The following RNF220 variants were observed in gnomAD, a reference collection of about 807,000 sequenced individuals.
The protein encoded by RNF220 is E3 ubiquitin-protein ligase RNF220.
A neutral mutation model predicts 67.1 loss-of-function variants in RNF220; 7 were observed. The ratio of observed to expected loss-of-function variants is 0.10; its 90% CI spans 0.06 to 0.20. The LOEUF (loss-of-function observed/expected upper bound fraction) is 0.20, where lower values mean the gene tolerates loss of function less well. Among genes scored for constraint, RNF220 ranks in the 10% least tolerant of loss-of-function variants. RNF220 has a pLI of 1.00. For synonymous variants in RNF220, 270 were observed against 283.2 expected, an observed-to-expected ratio of 0.95 and a Z score of 0.47; for missense variants, 565 against 740.3, an observed-to-expected ratio of 0.76 and a Z score of 2.75.
At chr1:44,603,591 C>T (rs1667079607) in intron 2 of RNF220, among the ~76,000 whole-genome samples, 1 of 152,190 alleles carries the variant, frequency 6.6e-6, no homozygotes. Context: ...ACAAATTCAT[C>T]TTGGACGACA....
rs114833258 is a variant in RNF220, at chr1:44,583,594, C to T, written c.626-30571C>T. Among the ~76,000 whole-genome samples, 238 of 152,260 alleles carry T rather than the reference C, an allele frequency of 1.6e-3. 3 individuals are homozygous for T. The highest frequency in any genetic ancestry group is 5.4e-3 in the African/African-American group (225 of 41,540). On this transcript the variant is annotated intron_variant, in intron 2 of 14. Transcript: ENST00000361799. ...AAATGTGGTCATTACTGGATTATTT[C>T]GAGAATCAAAAGAATCAAAGAACAT...
At chr1:44,513,314 G>C (rs796540422) in intron 2 of RNF220, among the ~76,000 whole-genome samples, 10 of 152,328 alleles carry the variant, frequency 6.6e-5, no homozygotes, top group African/African-American at 2.4e-4. Context: ...GGGGTCCCGA[G>C]CCTGGCCCAT....
intron 2 of RNF220, among the ~76,000 whole-genome samples, chr1:44,610,904 C>T (rs147373706): frequency 3.9e-5 from 6 of 152,280 alleles, no homozygotes; most frequent in African/African-American, 1.4e-4. Flanking sequence ...CCATCCCCAG[C>T]GGTTTTTATG....
chr1:44,528,707 C>T (rs112348245), intron 2 of RNF220, among the ~76,000 whole-genome samples: 22,550 of 151,400 alleles, frequency 0.15, 2,084 homozygotes, highest in Middle Eastern at 0.3. Flanking sequence ...CTCCACCTCC[C>T]AGGTTTAAGT....
intron 2 of RNF220, among the ~76,000 whole-genome samples, chr1:44,422,467 G>T (rs1572448319): frequency 1.3e-5 from 2 of 152,302 alleles, no homozygotes; most frequent in Admixed American, 1.3e-4. Context: ...CCCAGACATG[G>T]GTTTAACCCT....
At chr1:44,579,821 G>C (rs180751638) in intron 2 of RNF220, among the ~76,000 whole-genome samples, 10 of 152,026 alleles carry the variant, frequency 6.6e-5, no homozygotes, top group African/African-American at 2.4e-4. Context: ...TTGAGTCCAG[G>C]AGTTTGAGAC....
At position 44,547,728 on chromosome 1, in the gene RNF220, G is replaced by A. The variant is rs556547828; in HGVS notation, c.626-66437G>A. ...TCTGGTCCCATTTTTCCAACTGCCT[G>A]GTGAATATCTTCAGCGCTTTGTCCA... is the stretch of plus-strand genomic sequence containing the variant. On this transcript the variant is annotated intron_variant, in intron 2 of 14. Transcript: ENST00000361799. Among the ~76,000 whole-genome samples the A allele has an allele frequency of 5.3e-5, 8 of 152,084 alleles. No homozygotes were observed. In the East Asian group the frequency reaches 1.5e-3, roughly 29 times the overall value.
intron 3 of RNF220, among the ~76,000 whole-genome samples, chr1:44,617,574 C>G (rs995432041): frequency 1.3e-5 from 2 of 152,232 alleles, no homozygotes; most frequent in Non-Finnish European, 2.9e-5. Context: ...GGGGAGGGCC[C>G]CAGCCTTGGC....
chr1:44,409,379 G>A (rs147296477), intron 1 of RNF220, among the ~76,000 whole-genome samples: 4 of 152,322 alleles, frequency 2.6e-5, no homozygotes, highest in East Asian at 1.9e-4. Flanking sequence ...TTTGCAATCT[G>A]TTTGGAGTTT....
At chr1:44,631,815 G>A in intron 5 of RNF220, 3 of 747,048 alleles carry the variant, frequency 4.0e-6, no homozygotes, top group Non-Finnish European at 4.9e-6. Flanking sequence ...AAGATTGGGT[G>A]GGTAGGCTTC....
In RNF220 at chr1:44,624,004, A is replaced by C. The variant is rs1171863240; in HGVS notation, c.804+1217A>C. ...CATGGGGTAGACCCAAATACCCTGCAAGCCTTTCAAAGGTATAGGAATGGA... is the reference window on the plus strand; with the variant it reads ...CATGGGGTAGACCCAAATACCCTGCCAGCCTTTCAAAGGTATAGGAATGGA... On this transcript the variant is annotated intron_variant, in intron 4 of 14. Transcript: ENST00000361799. The surrounding 1 kb of genome is among the most constrained non-coding windows in gnomAD (Gnocchi z 4.2). Among the ~76,000 whole-genome samples the C allele has an allele frequency of 6.6e-6, 1 of 152,242 alleles. No homozygotes were observed. Among genetic ancestry groups the C allele is most frequent in the African/African-American group, 2.4e-5 (1 of 41,464 alleles).
At chr1:44,470,499 T>C (rs763664421) in intron 2 of RNF220, among the ~76,000 whole-genome samples, 10 of 152,238 alleles carry the variant, frequency 6.6e-5, no homozygotes, top group Non-Finnish European at 1.2e-4. Context: ...AATTCCCCCT[T>C]CTTCGAGACC....
chr1:44,472,317 C>A (rs544874181), intron 2 of RNF220, among the ~76,000 whole-genome samples: 3 of 152,284 alleles, frequency 2.0e-5, no homozygotes, highest in African/African-American at 7.2e-5. Context: ...GCCACTGCAC[C>A]ATTTACACCA....
At chr1:44,564,666 TC>T (rs1208390400) in intron 2 of RNF220, among the ~76,000 whole-genome samples, 1 of 144,410 alleles carries the variant, frequency 6.9e-6, no homozygotes, top group African/African-American at 2.6e-5. Context: ...GACAGGAGAG[TC>T]CCTTGAACCT....
Position 44,644,475 on chromosome 1 carries a change from C to T in RNF220, c.1127-223C>T, listed in dbSNP as rs1014606757. The T allele has an allele frequency of 5.6e-6, 3 of 533,768 alleles. No homozygotes were observed. In the African/African-American group the frequency reaches 5.7e-5, roughly 10 times the overall value. 33.1% of individuals were successfully genotyped at this position (533,768 alleles called of 1,614,324 possible). On this transcript the variant is annotated intron_variant, in intron 8 of 14. Transcript: ENST00000361799. ...TGGGCTAGTTTATGAGCAGAGACCA[C>T]TTGGAGCAGCATGCAGTAGCAGAGA...
intron 12 of RNF220, among the ~76,000 whole-genome samples, chr1:44,647,614 G>C (rs1644688535): frequency 6.6e-6 from 1 of 152,186 alleles, no homozygotes; most frequent in Non-Finnish European, 1.5e-5. Flanking sequence ...CAAGGACACA[G>C]CCACTAAGGA....
At chr1:44,590,954 GT>G (rs1666074090) in intron 2 of RNF220, among the ~76,000 whole-genome samples, 1 of 152,028 alleles carries the variant, frequency 6.6e-6, no homozygotes, top group Non-Finnish European at 1.5e-5. Flanking sequence ...GTTTTGTTTT[GT>G]TTTTTGCTGT....
intron 2 of RNF220, among the ~76,000 whole-genome samples, chr1:44,440,432 G>A (rs1307785894): frequency 6.6e-6 from 1 of 152,230 alleles, no homozygotes; most frequent in Non-Finnish European, 1.5e-5. Flanking sequence ...AGTCAAAGCT[G>A]ACCCTGGCAT....
chr1:44,592,658 T>G (rs748506587), intron 2 of RNF220, among the ~76,000 whole-genome samples: 17 of 152,186 alleles, frequency 1.1e-4, no homozygotes, highest in Non-Finnish European at 2.1e-4. Flanking sequence ...TGGTACACGC[T>G]CCTCTCATTC....
Sources: gnomAD v4.1 joint callset for allele counts (sites outside exome capture counted in the v4.1 genomes callset) on GRCh38, gnomAD v4.1.1 for gene constraint, Gnocchi (gnomAD v3.1) non-coding constraint, MANE v1.5 for transcripts, NCBI Gene and HGNC (gene_info 2026-07-23, HGNC 2026-07-21) for gene names.